The following TBC1D2 variants were observed in gnomAD, a reference collection of about 807,000 sequenced individuals.
TBC1D2 encodes TBC1 domain family member 2A.
Under a neutral mutation model 91.1 loss-of-function variants are expected in TBC1D2, and 58 were observed. That is an observed-to-expected ratio of 0.64 (90% CI 0.52 to 0.79). TBC1D2 has a LOEUF of 0.79. TBC1D2 is among the 30% of genes least tolerant of loss of function. TBC1D2 has a pLI of 0.00. For missense variants in TBC1D2, 1,080 were observed against 1,208.3 expected, an observed-to-expected ratio of 0.89 and a Z score of 1.57; for synonymous variants, 482 against 511.5, an observed-to-expected ratio of 0.94 and a Z score of 0.78.
chr9:98,217,293 A>G (rs368157522), intron 6 of TBC1D2, among the ~76,000 whole-genome samples: 25 of 152,376 alleles, frequency 1.6e-4, no homozygotes, highest in African/African-American at 6.0e-4. Context: ...AAGGGGGACC[A>G]GGGAAGCAGG....
Position 98,243,991 on chromosome 9 carries a change from T to C in TBC1D2, c.647+3A>G. 2 of 1,601,484 alleles carry C rather than the reference T, an allele frequency of 1.2e-6. No homozygotes were observed. Among genetic ancestry groups the C allele is most frequent in the Non-Finnish European group, 1.7e-6 (2 of 1,174,194 alleles). On this transcript the variant is annotated splice_donor_region_variant and intron_variant, in intron 3 of 12. Transcript: ENST00000465784. ...CTAGCCCCTCAGCTCCACTGGCACT[T>C]ACTGTATTTCAGTCCCCAGGTGCTT... is the stretch of plus-strand genomic sequence containing the variant.
intron 2 of TBC1D2, among the ~76,000 whole-genome samples, chr9:98,245,782 A>G (rs1243106128): frequency 6.6e-6 from 1 of 152,220 alleles, no homozygotes; most frequent in Non-Finnish European, 1.5e-5. Flanking sequence ...TTTATCAAAA[A>G]TAGATGTTTA....
intron 6 of TBC1D2, among the ~76,000 whole-genome samples, chr9:98,220,187 C>A (rs573447301): frequency 1.3e-5 from 2 of 152,264 alleles, no homozygotes; most frequent in Admixed American, 1.3e-4. Flanking sequence ...AGCTCCAGCT[C>A]CTCCACTTCT....
intron 5 of TBC1D2, among the ~76,000 whole-genome samples, chr9:98,223,809 G>C (rs1829155831): frequency 6.6e-6 from 1 of 152,186 alleles, no homozygotes; most frequent in African/African-American, 2.4e-5. Context: ...GCAGAGGGAG[G>C]GAGCCTCAGT....
At chr9:98,216,255 G>A (rs955785418) in intron 6 of TBC1D2, among the ~76,000 whole-genome samples, 3 of 152,208 alleles carry the variant, frequency 2.0e-5, no homozygotes, top group African/African-American at 7.2e-5. Flanking sequence ...GTGAGCGTGA[G>A]CATCGTCTCC....
chr9:98,233,812 C>CT (rs1366212461), intron 3 of TBC1D2, among the ~76,000 whole-genome samples: 7 of 152,228 alleles, frequency 4.6e-5, no homozygotes, highest in African/African-American at 1.7e-4. Flanking sequence ...ACCCCCACCC[C>CT]TGCAGCTGGA....
At position 98,255,154 on chromosome 9, in the gene TBC1D2, A is replaced by G. The variant is rs1445768864; in HGVS notation, c.369+19T>C. The G allele has an allele frequency of 6.3e-7, 1 of 1,588,292 alleles. No homozygotes were observed. Among genetic ancestry groups the G allele is most frequent in the South Asian group, 1.1e-5 (1 of 89,102 alleles). On this transcript the variant is annotated intron_variant, in intron 1 of 12. Coordinates refer to ENST00000465784, the MANE Select transcript of TBC1D2 (RefSeq NM_001267571.2). ...GACCTCACGCCGCTGGAAAGGAGAAAGTCGTTGCAGGAATTTACCTTCAGG... is the reference window on the plus strand; with the variant it reads ...GACCTCACGCCGCTGGAAAGGAGAAGGTCGTTGCAGGAATTTACCTTCAGG...
At chr9:98,206,430 C>G (rs1476577903) in intron 9 of TBC1D2, among the ~76,000 whole-genome samples, 1 of 152,184 alleles carries the variant, frequency 6.6e-6, no homozygotes, top group Non-Finnish European at 1.5e-5. Flanking sequence ...CTCTCTGTGG[C>G]CTGTGTGCTG....
intron 4 of TBC1D2, among the ~76,000 whole-genome samples, chr9:98,229,582 CA>C (rs561656892): frequency 5.1e-4 from 77 of 152,340 alleles, no homozygotes; most frequent in Admixed American, 2.9e-3. Flanking sequence ...AGGAGATTTT[CA>C]AAGCACACAG....
rs1202455519 is a variant in TBC1D2 at position 98,255,248 on chromosome 9, T to C, written c.294A>G (p.Ala98=). Residue 98 remains alanine (A), a synonymous_variant, in exon 1 of 13, where the codon GCA becomes GCG. Coordinates refer to ENST00000465784, the MANE Select transcript of TBC1D2 (RefSeq NM_001267571.2). ...CAGCGTCCGCCTTACAGTCAAACAC[T>C]GCACTGGAGAGGTCGATGCTGTCCA... ...NPLDSIDLSS[A]VFDCKADAEE... is the part of the protein sequence containing the mutation. 2.5e-6 allele frequency: 4 copies of C among 1,614,106 alleles called. No homozygotes were observed. Among genetic ancestry groups the C allele is most frequent in the Non-Finnish European group, 3.4e-6 (4 of 1,179,990 alleles).
intron 3 of TBC1D2, among the ~76,000 whole-genome samples, chr9:98,239,445 C>A (rs373553893): frequency 7.2e-5 from 11 of 152,302 alleles, no homozygotes; most frequent in African/African-American, 2.6e-4. Flanking sequence ...TGGTTTTTCA[C>A]CTTCTTCTTA....
At chr9:98,250,873 G>C (rs1183575026) in intron 2 of TBC1D2, among the ~76,000 whole-genome samples, 1 of 152,176 alleles carries the variant, frequency 6.6e-6, no homozygotes. Context: ...ATGGGGGTGG[G>C]AGGGTGTGGT....
chr9:98,233,799 T>C (rs1358954599), intron 3 of TBC1D2, among the ~76,000 whole-genome samples: 1 of 152,200 alleles, frequency 6.6e-6, no homozygotes, highest in Non-Finnish European at 1.5e-5. Flanking sequence ...CTTGACTTCC[T>C]TAACCCCCAC....
Position 98,203,531 on chromosome 9 carries a change from C to T in TBC1D2, c.2151-123G>A, listed in dbSNP as rs866884930. On this transcript the variant is annotated intron_variant, in intron 9 of 12. Coordinates refer to ENST00000465784, the MANE Select transcript of TBC1D2 (RefSeq NM_001267571.2). The stretch of plus-strand genomic sequence containing the variant: ...CTTCCATGTGAGCATCAGTGCAATC[C>T]CACTCCCTAACCAGATTTGTGCTCC... The T allele has an allele frequency of 6.4e-6, 9 of 1,399,332 alleles. No individual in the cohort carries two copies. The South Asian group carries it at 1.2e-4, about 19-fold the overall frequency. The allele number at this position is 1,399,332 out of a possible 1,614,324, so 86.7% of individuals were successfully genotyped here. A position where few individuals can be genotyped will look rare whatever the true frequency, so the allele number is the denominator to read the frequency against.
chr9:98,243,069 G>A (rs10818658), intron 3 of TBC1D2, among the ~76,000 whole-genome samples: 3 of 151,366 alleles, frequency 2.0e-5, no homozygotes, highest in African/African-American at 7.3e-5. Context: ...CATGAACCAC[G>A]ACGCCTGGTC....
intron 3 of TBC1D2, among the ~76,000 whole-genome samples, chr9:98,234,144 T>C (rs576573726): frequency 1.3e-5 from 2 of 152,310 alleles, no homozygotes; most frequent in African/African-American, 4.8e-5. Flanking sequence ...GGGCTTAGTG[T>C]ACTTCGCAGC....
Position 98,220,992 on chromosome 9 carries a change from C to A in TBC1D2, c.1215G>T (p.Gln405His), listed in dbSNP as rs1196327385. The stretch of plus-strand genomic sequence containing the variant: ...TGGCGTGGTTCTTGTCCATAAGCAG[C>A]TGCACGTGCTGCTGTAGCTCCTGCA... ...QQVQELQQHV[Q>H]LLMDKNHAKQ... The change falls in exon 6 of 13, where the codon CAG becomes CAT. Residue 405 changes from glutamine (Q) to histidine (H), a missense_variant. Coordinates refer to ENST00000465784, the MANE Select transcript of TBC1D2 (RefSeq NM_001267571.2). The A allele has an allele frequency of 6.2e-7, 1 of 1,614,208 alleles. No homozygotes were observed. Among genetic ancestry groups the A allele is most frequent in the Non-Finnish European group, 8.5e-7 (1 of 1,180,030 alleles).
chr9:98,215,219 T>C (rs1208784431), intron 6 of TBC1D2, among the ~76,000 whole-genome samples: 1 of 152,178 alleles, frequency 6.6e-6, no homozygotes, highest in African/African-American at 2.4e-5. Context: ...GGGACCAGTC[T>C]CCCATGAGCA....
In TBC1D2 at chr9:98,203,368, TCTC is replaced by T. The variant is rs745521031; in HGVS notation, c.2188_2190del (p.Glu730del). 15 of 1,613,980 alleles carry T rather than the reference TCTC, an allele frequency of 9.3e-6. No individual in the cohort carries two copies. Among genetic ancestry groups the T allele is most frequent in the African/African-American group, 1.3e-5 (1 of 74,900 alleles). On this transcript the variant is annotated inframe_deletion, in exon 10 of 13. Coordinates refer to ENST00000465784, the MANE Select transcript of TBC1D2 (RefSeq NM_001267571.2). ...ATGGCCACCAGGCACCAGAAGGCGC[TCTC>T]CTCCTCCTCTAGGACCAGCAGGGCA...
Sources: gnomAD v4.1 joint callset for allele counts (sites outside exome capture counted in the v4.1 genomes callset) on GRCh38, gnomAD v4.1.1 for gene constraint, MANE v1.5 for transcripts, NCBI Gene and HGNC (gene_info 2026-07-23, HGNC 2026-07-21) for gene names.